The following COL27A1 variants were observed in gnomAD, a reference collection of about 807,000 sequenced individuals.
COL27A1 encodes collagen type XXVII alpha 1 chain.
COL27A1 carries 106 observed loss-of-function variants against 251.3 expected under a neutral mutation model. The ratio of observed to expected loss-of-function variants is 0.42; its 90% CI spans 0.36 to 0.50. The LOEUF is 0.50. Ranked by LOEUF, COL27A1 falls within the 20% of genes least tolerant of loss-of-function variation. COL27A1 has a pLI of 0.00. For missense variants in COL27A1, 2,325 were observed against 2,522.8 expected, an observed-to-expected ratio of 0.92 and a Z score of 1.68; for synonymous variants, 1,000 against 986.3, an observed-to-expected ratio of 1.01 and a Z score of -0.26.
intron 2 of COL27A1, among the ~76,000 whole-genome samples, chr9:114,166,303 TCATC>T (rs1210599616): frequency 7.6e-6 from 1 of 131,402 alleles, no homozygotes; most frequent in East Asian, 2.4e-4. Context: ...ATTCATCTAT[TCATC>T]CATCCATCTA....
At chr9:114,288,591 G>A (rs766621833) in intron 42 of COL27A1, 80 bp downstream of exon 42, 17 of 1,539,612 alleles carry the variant, frequency 1.1e-5, no homozygotes, top group East Asian at 4.6e-5. Context: ...GGGGTGGGCC[G>A]ATCAGGGGCC....
At chr9:114,158,498 C>T (rs535063449) in intron 1 of COL27A1, among the ~76,000 whole-genome samples, 14 of 152,304 alleles carry the variant, frequency 9.2e-5, no homozygotes, top group Admixed American at 8.5e-4. Flanking sequence ...GATGTTTCCT[C>T]GCGGCTCCCG....
At chr9:114,233,838 G>GA (rs954366855) in intron 16 of COL27A1, among the ~76,000 whole-genome samples, 2 of 152,068 alleles carry the variant, frequency 1.3e-5, no homozygotes, top group Non-Finnish European at 2.9e-5. Flanking sequence ...GTCTTTAGGG[G>GA]AAAAAAGAGA....
chr9:114,188,376 C>T (rs1187617618), intron 5 of COL27A1, among the ~76,000 whole-genome samples: 1 of 152,144 alleles, frequency 6.6e-6, no homozygotes, highest in African/African-American at 2.4e-5. Flanking sequence ...AAGTCCAAGC[C>T]CTGCCTCCAG....
At chr9:114,166,444 TATCC>T (rs112047520) in intron 2 of COL27A1, among the ~76,000 whole-genome samples, 129 of 140,952 alleles carry the variant, frequency 9.2e-4, no homozygotes, top group Non-Finnish European at 1.5e-3. Context: ...TCCATTCATC[TATCC>T]ATCCATCCAT....
intron 2 of COL27A1, among the ~76,000 whole-genome samples, chr9:114,165,383 TATCC>T (rs943333660): frequency 2.1e-5 from 3 of 141,222 alleles, no homozygotes; most frequent in Admixed American, 7.0e-5. Context: ...ATCCATCCAA[TATCC>T]ATCCATCCAT....
At chr9:114,262,351 C>A (rs901927848) in intron 28 of COL27A1, among the ~76,000 whole-genome samples, 6 of 152,222 alleles carry the variant, frequency 3.9e-5, no homozygotes, top group Admixed American at 6.5e-5. Context: ...CCCCGTAATG[C>A]CCACTAGAGA....
At chr9:114,236,589 C>T (rs1832416352) in intron 17 of COL27A1, among the ~76,000 whole-genome samples, 1 of 152,164 alleles carries the variant, frequency 6.6e-6, no homozygotes, top group Non-Finnish European at 1.5e-5. Flanking sequence ...TCTTCCTCTT[C>T]CCTCCCTCCT....
intron 33 of COL27A1, 50 bp downstream of exon 33, chr9:114,266,668 C>A: frequency 1.3e-6 from 2 of 1,520,292 alleles, no homozygotes; most frequent in Non-Finnish European, 9.1e-7. Context: ...GGGGATGTAT[C>A]AGCCCTTCCC....
chr9:114,253,029 G>A (rs763700805), intron 27 of COL27A1, 97 bp downstream of exon 27: 24 of 955,338 alleles, frequency 2.5e-5, no homozygotes, highest in Non-Finnish European at 3.4e-5. Flanking sequence ...TCAGCACTTC[G>A]GGAGGCCGAT....
At chr9:114,220,250 G>A (rs769850953) in intron 13 of COL27A1, among the ~76,000 whole-genome samples, 4 of 152,216 alleles carry the variant, frequency 2.6e-5, no homozygotes, top group African/African-American at 7.2e-5. Context: ...AGGAAGAGCT[G>A]AGTTCCAAAG....
In COL27A1 at chr9:114,155,863, C is replaced by T; in HGVS notation, c.-88C>T. On this transcript the variant is annotated 5_prime_UTR_variant, in exon 1 of 61. Coordinates refer to ENST00000356083, the MANE Select transcript of COL27A1 (RefSeq NM_032888.4). The surrounding 1 kb of genome is among the most constrained non-coding windows in gnomAD (Gnocchi z 5.5). ...CGGGGGCCGCGCGCTCTAAGCCGGCCTGGCGCGGCGGGGCGGGGGGCTGGC... is the reference window on the plus strand; with the variant it reads ...CGGGGGCCGCGCGCTCTAAGCCGGCTTGGCGCGGCGGGGCGGGGGGCTGGC... 1 of 1,038,740 alleles carries T rather than the reference C, an allele frequency of 9.6e-7. No homozygotes were observed. The highest frequency in any genetic ancestry group is 4.5e-5 in the South Asian group (1 of 22,248). The allele number at this position is 1,038,740 out of a possible 1,614,324, so 64.3% of individuals were successfully genotyped here.
chr9:114,180,510 C>T (rs2135158411), intron 4 of COL27A1, among the ~76,000 whole-genome samples: 1 of 152,312 alleles, frequency 6.6e-6, no homozygotes, highest in East Asian at 1.9e-4. Flanking sequence ...CGCCGTCCCA[C>T]CATCATCCTG....
intron 48 of COL27A1, among the ~76,000 whole-genome samples, 175 bp from the exon 49 acceptor site, chr9:114,291,928 G>A (rs1827949207): frequency 6.6e-6 from 1 of 151,970 alleles, no homozygotes; most frequent in African/African-American, 2.4e-5. Flanking sequence ...TCCTCTTTGG[G>A]AGGTGAAAGT....
intron 22 of COL27A1, among the ~76,000 whole-genome samples, chr9:114,242,994 A>T (rs998235906): frequency 6.6e-6 from 1 of 152,152 alleles, no homozygotes; most frequent in Non-Finnish European, 1.5e-5. Context: ...TCTGCATTCA[A>T]TCCACTGACA....
chr9:114,211,733 C>G (rs1830384288), intron 12 of COL27A1, among the ~76,000 whole-genome samples: 1 of 152,216 alleles, frequency 6.6e-6, no homozygotes, highest in African/African-American at 2.4e-5. Flanking sequence ...CTTGAGGCAG[C>G]CTCTCAGGGT....
intron 27 of COL27A1, among the ~76,000 whole-genome samples, chr9:114,255,727 G>A (rs1833872714): frequency 6.6e-6 from 1 of 152,128 alleles, no homozygotes. Flanking sequence ...GTCCCCCACT[G>A]CTACGGTACA....
chr9:114,234,311 AT>A (rs201760731), intron 16 of COL27A1, among the ~76,000 whole-genome samples: 5 of 150,658 alleles, frequency 3.3e-5, no homozygotes, highest in African/African-American at 9.8e-5. Flanking sequence ...TTGAAAAAAA[AT>A]TTTTTTTTTA....
At chr9:114,154,198 C>G (rs1477832830), upstream of COL27A1, among the ~76,000 whole-genome samples, 1 of 152,042 alleles carries the variant, frequency 6.6e-6, no homozygotes, top group African/African-American at 2.4e-5. This position sits in a 1 kb window ranked among gnomAD's most constrained non-coding sequence, Gnocchi z 5.8. Context: ...GCGGCGCAGT[C>G]CCGCGCGCCC....
Sources: allele counts gnomAD v4.1 joint callset (sites outside exome capture counted in the v4.1 genomes callset), GRCh38; gene constraint gnomAD v4.1.1; non-coding constraint Gnocchi (gnomAD v3.1); transcripts MANE v1.5; gene names NCBI Gene and HGNC (gene_info 2026-07-23, HGNC 2026-07-21).